Variants in AATF observed in about 807,000 individuals in gnomAD.
The protein encoded by AATF is protein AATF.
AATF carries 48 observed loss-of-function variants against 63.7 expected under a neutral mutation model. The observed-to-expected ratio is 0.75, with a 90% CI of 0.60 to 0.96. The LOEUF is 0.96. AATF is among the 40% of genes least tolerant of loss of function. AATF has a pLI of 0.00. For synonymous variants in AATF, 258 were observed against 247.7 expected, an observed-to-expected ratio of 1.04 and a Z score of -0.39; for missense variants, 639 against 685.7, an observed-to-expected ratio of 0.93 and a Z score of 0.76.
chr17:36,967,910 A>G (rs1597703943), intron 4 of AATF, among the ~76,000 whole-genome samples: 1 of 135,330 alleles, frequency 7.4e-6, no homozygotes, highest in Non-Finnish European at 1.6e-5. Context: ...TTCTTTGTCC[A>G]CAGAATTCTG....
rs563006240 is a variant in AATF, at chr17:37,051,823, T to C, written c.1620-4778T>C. Among the ~76,000 whole-genome samples, 9 of 152,126 alleles carry C rather than the reference T, an allele frequency of 5.9e-5. No homozygotes were observed. The South Asian group carries it at 1.7e-3, about 28-fold the overall frequency. ...AGATAATATAGTAAAAATATTAAAT[T>C]AGAAAATGCCTCACTAAGGGTTATA... On this transcript the variant is annotated intron_variant, in intron 11 of 11. Coordinates refer to ENST00000619387, the MANE Select transcript of AATF (RefSeq NM_012138.4).
chr17:37,049,752 C>G (rs1467496923), intron 11 of AATF, among the ~76,000 whole-genome samples: 1 of 152,084 alleles, frequency 6.6e-6, no homozygotes, highest in African/African-American at 2.4e-5. Flanking sequence ...GGAGAAGGAT[C>G]CCTTTGTTTG....
intron 4 of AATF, among the ~76,000 whole-genome samples, chr17:36,968,912 A>C (rs1218369595): frequency 6.6e-6 from 1 of 152,118 alleles, no homozygotes; most frequent in Non-Finnish European, 1.5e-5. Flanking sequence ...ACAGATGTGA[A>C]CTTTAGCGCC....
chr17:37,002,903 G>GTTT (rs35926577), intron 8 of AATF, among the ~76,000 whole-genome samples: 246 of 99,046 alleles, frequency 2.5e-3, no homozygotes, highest in Middle Eastern at 0.012. Context: ...TCCTGTTGCT[G>GTTT]TTTTTTTTTT....
At chr17:36,985,098 C>T (rs1186767208) in intron 4 of AATF, among the ~76,000 whole-genome samples, 1 of 151,996 alleles carries the variant, frequency 6.6e-6, no homozygotes, top group South Asian at 2.1e-4. Context: ...GACGGGGTTT[C>T]GCCATGTTGG....
intron 4 of AATF, among the ~76,000 whole-genome samples, chr17:36,984,689 G>A (rs1211424377): frequency 6.6e-6 from 1 of 152,080 alleles, no homozygotes; most frequent in Non-Finnish European, 1.5e-5. Context: ...AGGCTGGAGT[G>A]TAGTGGCATA....
intron 4 of AATF, among the ~76,000 whole-genome samples, chr17:36,959,360 T>C (rs1016586141): frequency 6.6e-6 from 1 of 152,110 alleles, no homozygotes; most frequent in Admixed American, 6.5e-5. Flanking sequence ...GGAGAATTGC[T>C]TGAACCCAGG....
chr17:36,950,720 C>T (rs1403594087), intron 2 of AATF, among the ~76,000 whole-genome samples: 1 of 152,154 alleles, frequency 6.6e-6, no homozygotes, highest in Non-Finnish European at 1.5e-5. Flanking sequence ...GCACCCCTAT[C>T]TGTTATCTTA....
chr17:37,044,355 A>G (rs140501961), intron 11 of AATF, among the ~76,000 whole-genome samples: 9 of 152,288 alleles, frequency 5.9e-5, no homozygotes, highest in African/African-American at 1.4e-4. Flanking sequence ...GCTCATGGCA[A>G]TGTTGGAAAA....
At chr17:36,996,838 C>T (rs1329733084) in intron 8 of AATF, among the ~76,000 whole-genome samples, 1 of 152,158 alleles carries the variant, frequency 6.6e-6, no homozygotes, top group African/African-American at 2.4e-5. Context: ...ATGACTGGCC[C>T]TCATTTCTTT....
intron 8 of AATF, among the ~76,000 whole-genome samples, chr17:37,014,292 T>TAATAATAATAATAATAATAATAA (rs547730359): frequency 5.5e-4 from 83 of 150,546 alleles, no homozygotes; most frequent in African/African-American, 2.0e-3. Context: ...ATAATAATAA[T>TAATAATAATAATAATAATAATAA]AATAATAATA....
intron 11 of AATF, among the ~76,000 whole-genome samples, chr17:37,039,999 T>G (rs557613106): frequency 1.3e-5 from 2 of 152,312 alleles, no homozygotes; most frequent in South Asian, 4.1e-4. Context: ...TCTCATCGCT[T>G]CTTCAAAGGA....
intron 11 of AATF, among the ~76,000 whole-genome samples, chr17:37,040,727 C>T (rs752690507): frequency 7.9e-6 from 1 of 126,856 alleles, no homozygotes; most frequent in Non-Finnish European, 1.6e-5. Context: ...GGGGGGGGAA[C>T]TTCTTTAGAT....
chr17:37,045,625 T>G (rs1216036917), intron 11 of AATF: 4 of 152,300 alleles, frequency 2.6e-5, no homozygotes, highest in Non-Finnish European at 5.9e-5. Flanking sequence ...TACACACACT[T>G]GGCAGCACTC....
intron 11 of AATF, among the ~76,000 whole-genome samples, chr17:37,047,883 A>G (rs926703693): frequency 5.9e-5 from 9 of 152,266 alleles, no homozygotes; most frequent in Admixed American, 3.9e-4. Context: ...GAACCTTGTG[A>G]AGAGTTTCAG....
At chr17:36,966,306 C>T (rs1012083567) in intron 4 of AATF, among the ~76,000 whole-genome samples, 1 of 151,972 alleles carries the variant, frequency 6.6e-6, no homozygotes, top group Non-Finnish European at 1.5e-5. Flanking sequence ...GCTGTGTTGC[C>T]CAGGCTGGAG....
chr17:37,031,766 C>A, intron 11 of AATF, 81 bp downstream of exon 11: 1 of 1,105,172 alleles, frequency 9.0e-7, no homozygotes, highest in Non-Finnish European at 1.4e-6. Context: ...TCGCCCTCTC[C>A]ATTTCTTCTT....
chr17:37,056,835 C>T lies in AATF; in HGVS notation c.*171C>T, dbSNP rs2071803256. Reference sequence around the variant, plus strand: ...AGGGCGCTGTCCCGCCCAACCCCGCCTTTAAACGCCACAAATAAAGAGCAT... The same window carrying T: ...AGGGCGCTGTCCCGCCCAACCCCGCTTTTAAACGCCACAAATAAAGAGCAT... On this transcript the variant is annotated 3_prime_UTR_variant, in exon 12 of 12. Transcript: ENST00000619387. The T allele has an allele frequency of 1.6e-6, 1 of 626,052 alleles. No individual in the cohort carries two copies. The highest frequency in any genetic ancestry group is 1.8e-5 in the African/African-American group (1 of 54,456). 38.8% of individuals were successfully genotyped at this position (626,052 alleles called of 1,614,324 possible).
chr17:36,998,902 A>G (rs2071274132), intron 8 of AATF: 2 of 152,336 alleles, frequency 1.3e-5, no homozygotes, highest in Non-Finnish European at 1.5e-5. Flanking sequence ...GAAAAGAGCA[A>G]TCAGGTATTT....
Sources: allele counts gnomAD v4.1 joint callset (sites outside exome capture counted in the v4.1 genomes callset), GRCh38; gene constraint gnomAD v4.1.1; transcripts MANE v1.5; gene names NCBI Gene and HGNC (gene_info 2026-07-23, HGNC 2026-07-21).